Variants in TBCD observed in about 807,000 individuals in gnomAD.
TBCD encodes the protein tubulin-specific chaperone D.
A neutral mutation model predicts 169.3 loss-of-function variants in TBCD; 105 were observed. The observed-to-expected ratio is 0.62, with a 90% confidence interval of 0.53 to 0.73. The LOEUF is 0.73. TBCD is among the 30% of genes least tolerant of loss of function. The probability of loss-of-function intolerance (pLI) is 0.00; values close to 1 mark genes in which losing one functional copy is unlikely to be tolerated. For missense variants in TBCD, 1,444 were observed against 1,600.1 expected (o/e 0.90, Z 1.66); for synonymous variants, 700 against 643.9 (o/e 1.09, Z -1.32).
rs975729514 is a variant in TBCD, at chr17:82,943,880, G to A, written c.*1417G>A. 1 of 152,314 alleles carries A rather than the reference G, an allele frequency of 6.6e-6. No individual in the cohort carries two copies. The highest frequency in any genetic ancestry group is 1.5e-5 in the Non-Finnish European group (1 of 68,104). 9.4% of individuals were successfully genotyped at this position (152,314 alleles called of 1,614,324 possible). A position where few individuals can be genotyped will look rare whatever the true frequency, so the allele number is the denominator to read the frequency against. On this transcript the variant is annotated 3_prime_UTR_variant, in exon 39 of 39. Transcript: ENST00000355528. ...TCCCGATTGGCTGGGGTCACGTGGT[G>A]AGGGTCCTGGGTGACCAGGCCTAGC...
intron 4 of TBCD, among the ~76,000 whole-genome samples, 195 bp from the exon 5 acceptor site, chr17:82,768,225 G>C (rs2048121811): frequency 6.6e-6 from 1 of 152,114 alleles, no homozygotes; most frequent in South Asian, 2.1e-4. Context: ...CGGTAGGTGT[G>C]TGTGGTGGGG....
At chr17:82,799,335 C>T (rs548369333) in intron 8 of TBCD, among the ~76,000 whole-genome samples, 65 of 147,508 alleles carry the variant, frequency 4.4e-4, no homozygotes, top group African/African-American at 1.6e-3. Flanking sequence ...CCCAGCTACT[C>T]GGGAGGCGGA....
At chr17:82,929,051 G>A (rs1249883500) in intron 30 of TBCD, 62 bp from the exon 31 acceptor site, 1 of 1,569,680 alleles carries the variant, frequency 6.4e-7, no homozygotes, top group Non-Finnish European at 8.6e-7. Flanking sequence ...CCTGTGCTCA[G>A]TTTACCGCCC....
chr17:82,807,697 CG>C, intron 11 of TBCD, 29 bp downstream of exon 11: 34 of 1,435,418 alleles, frequency 2.4e-5, no homozygotes, highest in Middle Eastern at 1.8e-4. Flanking sequence ...AGAAGCACCC[CG>C]GGGGGTGGGC....
chr17:82,861,284 C>T (rs560487322), intron 13 of TBCD, among the ~76,000 whole-genome samples: 19 of 152,280 alleles, frequency 1.2e-4, no homozygotes, highest in African/African-American at 4.6e-4. Flanking sequence ...TGCCGCAGGT[C>T]CCCGTGAGTC....
At chr17:82,892,951 C>G (rs907083017) in intron 16 of TBCD, 1 of 152,228 alleles carries the variant, frequency 6.6e-6, no homozygotes, top group Non-Finnish European at 1.5e-5. Flanking sequence ...GTCAGAGCCT[C>G]GGCGGCTGCT....
chr17:82,931,251 G>A (rs542207880), intron 33 of TBCD, among the ~76,000 whole-genome samples: 7 of 152,338 alleles, frequency 4.6e-5, no homozygotes, highest in African/African-American at 7.2e-5. Flanking sequence ...TGCCGCTCTC[G>A]GCAAACAGGA....
At chr17:82,910,758 G>T (rs1161907025) in intron 22 of TBCD, among the ~76,000 whole-genome samples, 2 of 152,104 alleles carry the variant, frequency 1.3e-5, no homozygotes, top group Non-Finnish European at 2.9e-5. Flanking sequence ...GAGAGACGGG[G>T]TTTCACCATG....
At chr17:82,861,356 CGCTGGTTCACGTCAGCT>C (rs869277723) in intron 13 of TBCD, among the ~76,000 whole-genome samples, 43 of 3,756 alleles carry the variant, frequency 0.011, no homozygotes, top group African/African-American at 0.036. Context: ...TCACGTCAGC[CGCTGGTTCACGTCAGCT>C]GCTGGTTCAC....
chr17:82,870,588 G>A (rs2057487158), intron 14 of TBCD, among the ~76,000 whole-genome samples: 1 of 152,236 alleles, frequency 6.6e-6, no homozygotes, highest in African/African-American at 2.4e-5. Context: ...GGAACATTCT[G>A]GAGGTCTTGG....
intron 13 of TBCD, chr17:82,859,805 G>A: frequency 1.0e-6 from 1 of 985,442 alleles, no homozygotes; most frequent in Non-Finnish European, 1.2e-6. Flanking sequence ...GCCTGTTCAT[G>A]GCAGTGACCC....
At chr17:82,931,034 CTGAGGATGGAATGTCA>C (rs1353915094) in intron 33 of TBCD, among the ~76,000 whole-genome samples, 1 of 152,224 alleles carries the variant, frequency 6.6e-6, no homozygotes, top group Non-Finnish European at 1.5e-5. Flanking sequence ...CTCTGTGTTC[CTGAGGATGGAATGTCA>C]AGTGAGAAAC....
At chr17:82,863,707 G>GA (rs763940230) in intron 13 of TBCD, among the ~76,000 whole-genome samples, 25 of 152,186 alleles carry the variant, frequency 1.6e-4, no homozygotes, top group Non-Finnish European at 3.7e-4. Flanking sequence ...CCTGGTCTCA[G>GA]ACTGTAAGCC....
In TBCD at chr17:82,831,167, G is replaced by A. The variant is rs2053474730; in HGVS notation, c.1318+16233G>A. ...GCTGCCTTGTTGGAGAGGTCGTACA[G>A]GCCTTCGCAGGTCTGGCTCGTCTGC... On this transcript the variant is annotated intron_variant, in intron 13 of 38. Coordinates refer to ENST00000355528, the MANE Select transcript of TBCD (RefSeq NM_005993.5). The surrounding 1 kb of genome is among the most constrained non-coding windows in gnomAD (Gnocchi z 4.6). 1 of 1,614,162 alleles carries A rather than the reference G, an allele frequency of 6.2e-7. No individual in the cohort carries two copies.
At chr17:82,753,102 G>C (rs530063448) in intron 1 of TBCD, among the ~76,000 whole-genome samples, 104 of 152,312 alleles carry the variant, frequency 6.8e-4, no homozygotes, top group Non-Finnish European at 1.2e-3. Flanking sequence ...GTAGTTACAT[G>C]GGGTTTTGTA....
chr17:82,796,734 C>G (rs1398913530), intron 7 of TBCD, among the ~76,000 whole-genome samples: 3 of 152,204 alleles, frequency 2.0e-5, no homozygotes, highest in Non-Finnish European at 4.4e-5. Context: ...AGCCCCCCAG[C>G]GGGCTCCATG....
In TBCD at chr17:82,862,570, C is replaced by CA. The variant is rs575016188; in HGVS notation, c.1319-7651dup. Among the ~76,000 whole-genome samples, 341 of 152,152 alleles carry CA rather than the reference C, an allele frequency of 2.2e-3. 1 individual carries two copies. The highest frequency in any genetic ancestry group is 7.4e-3 in the African/African-American group (306 of 41,488). On this transcript the variant is annotated intron_variant, in intron 13 of 38. Coordinates refer to ENST00000355528, the MANE Select transcript of TBCD (RefSeq NM_005993.5). ...CTCTCAGTCTTAGAGAAAAGTGTTT[C>CA]AAAGTATGGGTTCTCAGTGTCTGTA...
intron 13 of TBCD, among the ~76,000 whole-genome samples, chr17:82,819,125 G>A (rs901325638): frequency 6.6e-6 from 1 of 152,210 alleles, no homozygotes; most frequent in Non-Finnish European, 1.5e-5. Flanking sequence ...ACACAATATA[G>A]ATGAGCATGT....
intron 14 of TBCD, among the ~76,000 whole-genome samples, chr17:82,873,744 G>A (rs927420494): frequency 6.6e-6 from 1 of 152,206 alleles, no homozygotes. Context: ...GGGCCGGCCG[G>A]TCGGTAGGTC....
Sources: allele counts gnomAD v4.1 joint callset (sites outside exome capture counted in the v4.1 genomes callset), GRCh38; gene constraint gnomAD v4.1.1; non-coding constraint Gnocchi (gnomAD v3.1); transcripts MANE v1.5; gene names NCBI Gene and HGNC (gene_info 2026-07-23, HGNC 2026-07-21).